The following NOS1 variants were observed in gnomAD, a reference collection of about 807,000 sequenced individuals.
NOS1 encodes the protein NOS type I.
Under a neutral mutation model 164.5 loss-of-function variants are expected in NOS1, and 51 were observed. That is an observed-to-expected ratio of 0.31 (90% confidence interval 0.25 to 0.39). The LOEUF (loss-of-function observed/expected upper bound fraction) is 0.39. NOS1 is among the 10% of genes least tolerant of loss of function. The probability of loss-of-function intolerance (pLI) is 1.00; values close to 1 mark genes in which losing one functional copy is unlikely to be tolerated. For missense variants in NOS1, 1,362 were observed against 1,885.6 expected (o/e 0.72, Z 5.14); for synonymous variants, 719 against 745.8 (o/e 0.96, Z 0.59).
chr12:117,244,844 C>T (rs1870496070), intron 18 of NOS1, among the ~76,000 whole-genome samples: 1 of 152,142 alleles, frequency 6.6e-6, no homozygotes, highest in Non-Finnish European at 1.5e-5. Flanking sequence ...AAATGTCCAG[C>T]ACAGGGAAAT....
intron 1 of NOS1, among the ~76,000 whole-genome samples, chr12:117,340,346 G>A (rs549059785): frequency 6.6e-5 from 10 of 152,242 alleles, no homozygotes; most frequent in Non-Finnish European, 1.3e-4. Context: ...TCAATTTTAA[G>A]AAAAGAGTAA....
chr12:117,359,881 T>C (rs1458464638), intron 1 of NOS1, among the ~76,000 whole-genome samples: 1 of 12,944 alleles, frequency 7.7e-5, no homozygotes, highest in East Asian at 1.8e-3. Context: ...TGGTTTTATA[T>C]ATATATATAT....
intron 2 of NOS1, among the ~76,000 whole-genome samples, chr12:117,326,207 G>A (rs1042837054): frequency 2.0e-5 from 3 of 151,996 alleles, no homozygotes; most frequent in South Asian, 2.1e-4. Flanking sequence ...CCAACATGGC[G>A]AAACGCTGTC....
intron 17 of NOS1, among the ~76,000 whole-genome samples, chr12:117,252,605 C>T (rs367590765): frequency 5.3e-5 from 8 of 152,302 alleles, no homozygotes; most frequent in African/African-American, 7.2e-5. Flanking sequence ...TTCTAACAAA[C>T]GCACCACTCT....
At chr12:117,298,687 T>A (rs1873592906) in intron 3 of NOS1, among the ~76,000 whole-genome samples, 1 of 152,156 alleles carries the variant, frequency 6.6e-6, no homozygotes, top group African/African-American at 2.4e-5. Flanking sequence ...GAGCGCCATG[T>A]GAACATGAAG....
At position 117,331,089 on chromosome 12, in the gene NOS1, G is replaced by A. The variant is rs149094648; in HGVS notation, c.-20C>T. The A allele has an allele frequency of 1.4e-4, 228 of 1,594,164 alleles. No individual in the cohort carries two copies. In the East Asian group the frequency reaches 5.0e-3, roughly 35 times the overall value. On this transcript the variant is annotated 5_prime_UTR_variant, in exon 2 of 29. Transcript: ENST00000317775. ...CTCCATGGTAACTAGCTTCCGAGGG[G>A]TCCTGTCTGAAGACCTCACAATGCT...
intron 18 of NOS1, among the ~76,000 whole-genome samples, chr12:117,244,937 G>T (rs2135957193): frequency 6.6e-6 from 1 of 152,320 alleles, no homozygotes; most frequent in South Asian, 2.1e-4. Flanking sequence ...AAAGGGTACA[G>T]TGGCTTTTCA....
rs574240013 is a variant in NOS1, at chr12:117,239,163, G to A, written c.3041+3464C>T. 2.4e-4 allele frequency among the ~76,000 whole-genome samples: 36 copies of A among 152,332 alleles called. No homozygotes were observed. In the South Asian group the frequency reaches 7.0e-3, roughly 30 times the overall value. On this transcript the variant is annotated intron_variant, in intron 20 of 28. Transcript: ENST00000317775. ...GTCCTCTGTTGAGACTGGGAAGGCT[G>A]GAGAGAAGAAATTTTACTTGACGGG...
At chr12:117,297,623 C>A (rs1177538267) in intron 3 of NOS1, among the ~76,000 whole-genome samples, 4 of 151,970 alleles carry the variant, frequency 2.6e-5, no homozygotes, top group African/African-American at 9.7e-5. Context: ...AACTCCCGAC[C>A]TCAGGTATCC....
intron 1 of NOS1, among the ~76,000 whole-genome samples, chr12:117,335,844 G>A (rs908078308): frequency 4.6e-5 from 7 of 150,890 alleles, no homozygotes; most frequent in East Asian, 2.0e-4. Context: ...TTAGTCTCCC[G>A]AGTAGCTAGG....
chr12:117,243,271 C>G lies in NOS1; in HGVS notation c.2962+26G>C, dbSNP rs370535620. 4.3e-6 allele frequency: 7 copies of G among 1,612,316 alleles called. No individual in the cohort carries two copies. Among genetic ancestry groups the G allele is most frequent in the Non-Finnish European group, 5.9e-6 (7 of 1,179,236 alleles). On this transcript the variant is annotated intron_variant, in intron 19 of 28. Coordinates refer to ENST00000317775, the MANE Select transcript of NOS1 (RefSeq NM_000620.5). The surrounding 1 kb of genome is among the most constrained non-coding windows in gnomAD (Gnocchi z 4.3). Reference sequence around the variant, plus strand: ...GCCTTTCCCCCATTGTCACGAATACCTCCCTGGAAGGGTGGTGGGAGGTAC... The same window carrying G: ...GCCTTTCCCCCATTGTCACGAATACGTCCCTGGAAGGGTGGTGGGAGGTAC...
rs117820442 is a variant in NOS1, at chr12:117,303,739, A to C, written c.852+7727T>G. Among the ~76,000 whole-genome samples the C allele has an allele frequency of 9.3e-4, 141 of 152,308 alleles. 1 individual carries two copies. In the East Asian group the frequency reaches 0.024, roughly 25 times the overall value. Reference sequence around the variant, plus strand: ...GAAGGCAAACCAGACAGGCAAGGGAAACGATGCTTAATAAGAAAGGAAGGC... The same window carrying C: ...GAAGGCAAACCAGACAGGCAAGGGACACGATGCTTAATAAGAAAGGAAGGC... On this transcript the variant is annotated intron_variant, in intron 3 of 28. Transcript: ENST00000317775.
At chr12:117,256,034 G>A (rs1279683483) in intron 16 of NOS1, 8 of 1,432,148 alleles carry the variant, frequency 5.6e-6, no homozygotes, top group South Asian at 1.6e-5. Flanking sequence ...AGGGTTCCGG[G>A]TACCTAGAGG....
chr12:117,309,267 T>C (rs907194119), intron 3 of NOS1: 1 of 826,020 alleles, frequency 1.2e-6, no homozygotes. Flanking sequence ...CATTTCCAGA[T>C]ATCACTGCTA....
At chr12:117,267,587 CA>C (rs59643665) in intron 11 of NOS1, among the ~76,000 whole-genome samples, 90,774 of 139,418 alleles carry the variant, frequency 0.65, 28,609 homozygotes, top group Non-Finnish European at 0.67. Context: ...AACTCCATCT[CA>C]AAAAAAAAAA....
Position 117,220,125 on chromosome 12 carries a change from G to C in NOS1, c.4120C>G (p.Gln1374Glu). Residue 1374 changes from glutamine to glutamate, a missense_variant, in exon 27 of 29, where the codon CAG becomes GAG. By Grantham distance (29) the Gln-to-Glu change is conservative. Transcript: ENST00000317775. ...GCGTCCTCTGCCGAGAGCTTCCCCT[G>C]CTGGGTCATGATGCGCTGGATGGCT... ...LKAIQRIMTQQGKLSAEDAGV... is the reference protein window; with the variant it reads ...LKAIQRIMTQEGKLSAEDAGV... 1 of 1,613,766 alleles carries C rather than the reference G, an allele frequency of 6.2e-7. No homozygotes were observed. Among genetic ancestry groups the C allele is most frequent in the Non-Finnish European group, 8.5e-7 (1 of 1,179,870 alleles).
At chr12:117,241,735 G>T (rs1169845819) in intron 20 of NOS1, among the ~76,000 whole-genome samples, 1 of 152,190 alleles carries the variant, frequency 6.6e-6, no homozygotes, top group Admixed American at 6.5e-5. Context: ...AGCAGCGACC[G>T]CTTTTAATGG....
intron 8 of NOS1, 67 bp from the exon 9 acceptor site, chr12:117,278,165 G>A: frequency 6.6e-7 from 1 of 1,508,410 alleles, no homozygotes; most frequent in Admixed American, 1.9e-5. Flanking sequence ...CCTTATGTGG[G>A]AAGCGGGGGT....
chr12:117,308,419 G>C (rs1191149492), intron 3 of NOS1, among the ~76,000 whole-genome samples: 1 of 152,070 alleles, frequency 6.6e-6, no homozygotes, highest in Non-Finnish European at 1.5e-5. Context: ...TGCAGTGGGA[G>C]GATCTCTTAA....
Sources: allele counts gnomAD v4.1 joint callset (sites outside exome capture counted in the v4.1 genomes callset), GRCh38; gene constraint gnomAD v4.1.1; non-coding constraint Gnocchi (gnomAD v3.1); transcripts MANE v1.5; gene names NCBI Gene and HGNC (gene_info 2026-07-23, HGNC 2026-07-21).